PARD3B: variants seen among roughly 807,000 people sequenced by gnomAD.
PARD3B encodes the protein par-3 family cell polarity regulator beta.
A neutral mutation model predicts 130.2 loss-of-function variants in PARD3B; 103 were observed. The ratio of observed to expected loss-of-function variants is 0.79; its 90% confidence interval spans 0.67 to 0.93. PARD3B has a LOEUF of 0.93. Among genes scored for constraint, PARD3B ranks in the 40% least tolerant of loss-of-function variants. The pLI is 0.00. For synonymous variants in PARD3B, 583 were observed against 553.2 expected, an observed-to-expected ratio of 1.05 and a Z score of -0.76; for missense variants, 1,609 against 1,499.2, an observed-to-expected ratio of 1.07 and a Z score of -1.21.
intron 15 of PARD3B, among the ~76,000 whole-genome samples, chr2:205,209,409 G>A (rs111878493): frequency 1.1e-3 from 170 of 152,176 alleles, no homozygotes; most frequent in African/African-American, 4.1e-3. Context: ...AAGAACTTTT[G>A]TTTTCATATA....
At position 205,037,593 on chromosome 2, in the gene PARD3B, CTA is replaced by C. The variant is rs747581455; in HGVS notation, c.395-9980_395-9979del. 1.4e-4 allele frequency among the ~76,000 whole-genome samples: 20 copies of C among 147,076 alleles called. No homozygotes were observed. The South Asian group carries it at 2.5e-3, about 19-fold the overall frequency. On this transcript the variant is annotated intron_variant, in intron 3 of 22. Transcript: ENST00000406610. The stretch of plus-strand genomic sequence containing the variant: ...ATATATAAGATATATGTACAGTCGA[CTA>C]TATATATTTTATATATATTTTATAT...
intron 2 of PARD3B, among the ~76,000 whole-genome samples, chr2:204,780,303 G>A (rs1403617046): frequency 6.6e-6 from 1 of 152,010 alleles, no homozygotes; most frequent in South Asian, 2.1e-4. Flanking sequence ...CCTTTCCTGG[G>A]TAACTATAGA....
chr2:205,189,583 A>C (rs1373838789), intron 14 of PARD3B, among the ~76,000 whole-genome samples: 1 of 152,204 alleles, frequency 6.6e-6, no homozygotes, highest in African/African-American at 2.4e-5. Flanking sequence ...AACTCCCTTC[A>C]AAATTAAAAT....
chr2:205,282,728 C>T (rs962476703), intron 16 of PARD3B, among the ~76,000 whole-genome samples: 1 of 152,054 alleles, frequency 6.6e-6, no homozygotes, highest in Non-Finnish European at 1.5e-5. Context: ...AAGTCATTGT[C>T]TGGTCTTCAT....
chr2:204,938,531 A>C (rs1203990406), intron 2 of PARD3B, among the ~76,000 whole-genome samples: 1 of 152,166 alleles, frequency 6.6e-6, no homozygotes, highest in African/African-American at 2.4e-5. Flanking sequence ...TCACTCTTAT[A>C]ACTTCTTACA....
intron 1 of PARD3B, among the ~76,000 whole-genome samples, chr2:204,553,485 G>A (rs886895303): frequency 5.3e-5 from 8 of 150,706 alleles, no homozygotes; most frequent in African/African-American, 9.8e-5. Context: ...CTGCAAAAGC[G>A]TGGAACCAAC....
chr2:204,691,817 T>C (rs935407307), intron 2 of PARD3B, among the ~76,000 whole-genome samples: 1 of 145,346 alleles, frequency 6.9e-6, no homozygotes, highest in Non-Finnish European at 1.5e-5. Context: ...AAAACTGATA[T>C]GAATGAAGTT....
chr2:205,404,292 G>A (rs2046349105), intron 19 of PARD3B, among the ~76,000 whole-genome samples: 1 of 152,182 alleles, frequency 6.6e-6, no homozygotes, highest in South Asian at 2.1e-4. Flanking sequence ...GAAGTGATGT[G>A]TAGGCACTGT....
At chr2:205,381,526 C>A (rs555046003) in intron 18 of PARD3B, among the ~76,000 whole-genome samples, 1 of 151,688 alleles carries the variant, frequency 6.6e-6, no homozygotes, top group Non-Finnish European at 1.5e-5. Context: ...TAATTTGTCT[C>A]CTCTAGTTTT....
At chr2:205,059,188 T>A (rs1172086494) in intron 4 of PARD3B, among the ~76,000 whole-genome samples, 1 of 152,054 alleles carries the variant, frequency 6.6e-6, no homozygotes, top group Non-Finnish European at 1.5e-5. Context: ...AAAAAGGTTA[T>A]TCTTTCCCCC....
Position 205,407,752 on chromosome 2 carries a change from T to C in PARD3B, c.2741+6629T>C, listed in dbSNP as rs963726135. On this transcript the variant is annotated intron_variant, in intron 19 of 22. Coordinates refer to ENST00000406610, the MANE Select transcript of PARD3B (RefSeq NM_001302769.2). This position sits in a 1 kb window ranked among gnomAD's most constrained non-coding sequence, Gnocchi z 4.1. ...CACCAAAGACTGTCTTCCATTGAAG[T>C]CCCATATTACTGACCCTGAAATAAT... Among the ~76,000 whole-genome samples the C allele has an allele frequency of 6.6e-6, 1 of 152,076 alleles. No individual in the cohort carries two copies. Among genetic ancestry groups the C allele is most frequent in the African/African-American group, 2.4e-5 (1 of 41,412 alleles).
intron 22 of PARD3B, among the ~76,000 whole-genome samples, chr2:205,570,703 C>G (rs1273981670): frequency 6.6e-6 from 1 of 152,160 alleles, no homozygotes; most frequent in Admixed American, 6.5e-5. Context: ...ATGTGAAATA[C>G]AGAACCTGGT....
intron 4 of PARD3B, among the ~76,000 whole-genome samples, chr2:205,077,386 T>G (rs1701132188): frequency 6.6e-6 from 1 of 152,214 alleles, no homozygotes. Context: ...AGGCGAATTT[T>G]CTGTTTCTTT....
Position 204,664,389 on chromosome 2 carries a change from G to A in PARD3B, c.121-21792G>A, listed in dbSNP as rs913954368. ...ATGCACCAGATGAGCTGGAGAAGTTGTGGCCTGCAAGTAACATAAAGCAAA... is the reference window on the plus strand; with the variant it reads ...ATGCACCAGATGAGCTGGAGAAGTTATGGCCTGCAAGTAACATAAAGCAAA... On this transcript the variant is annotated intron_variant, in intron 1 of 22. Transcript: ENST00000406610. This position sits in a 1 kb window ranked among gnomAD's most constrained non-coding sequence, Gnocchi z 5.2. Among the ~76,000 whole-genome samples, 6 of 152,188 alleles carry A rather than the reference G, an allele frequency of 3.9e-5. No homozygotes were observed. Among genetic ancestry groups the A allele is most frequent in the African/African-American group, 1.4e-4 (6 of 41,450 alleles).
At chr2:204,872,598 A>G (rs2125650456) in intron 2 of PARD3B, among the ~76,000 whole-genome samples, 1 of 152,260 alleles carries the variant, frequency 6.6e-6, no homozygotes, top group South Asian at 2.1e-4. Flanking sequence ...CTGCTGTCAT[A>G]CTGTTTAATA....
At chr2:205,400,209 A>G (rs993518146) in intron 18 of PARD3B, among the ~76,000 whole-genome samples, 4 of 152,160 alleles carry the variant, frequency 2.6e-5, no homozygotes, top group Non-Finnish European at 5.9e-5. Flanking sequence ...GGTCATCATA[A>G]TTAGTCTTGA....
chr2:204,640,043 C>A (rs558599062), intron 1 of PARD3B, among the ~76,000 whole-genome samples: 252 of 152,104 alleles, frequency 1.7e-3, no homozygotes, highest in African/African-American at 5.9e-3. Flanking sequence ...TGCTTGAGCC[C>A]AGGAGTTCGA....
chr2:204,913,213 CAAGCTTTTATGGA>C (rs2047311406), intron 2 of PARD3B, among the ~76,000 whole-genome samples: 2 of 152,154 alleles, frequency 1.3e-5, no homozygotes, highest in African/African-American at 4.8e-5. Flanking sequence ...CAGAATTTCA[CAAGCTTTTATGGA>C]AATATTCTGT....
intron 1 of PARD3B, among the ~76,000 whole-genome samples, chr2:204,627,249 G>T (rs2034519315): frequency 6.6e-6 from 1 of 152,126 alleles, no homozygotes; most frequent in Non-Finnish European, 1.5e-5. Flanking sequence ...CTTTATGGCA[G>T]TGTGAAAACT....
Sources: gnomAD v4.1 joint callset for allele counts (sites outside exome capture counted in the v4.1 genomes callset) on GRCh38, gnomAD v4.1.1 for gene constraint, Gnocchi (gnomAD v3.1) non-coding constraint, MANE v1.5 for transcripts, NCBI Gene and HGNC (gene_info 2026-07-23, HGNC 2026-07-21) for gene names.